The following FSTL5 variants were observed in gnomAD, a reference collection of about 807,000 sequenced individuals.
The protein encoded by FSTL5 is follistatin like 5.
A neutral mutation model predicts 89.1 loss-of-function variants in FSTL5; 62 were observed. The observed-to-expected ratio is 0.70, with a 90% CI of 0.57 to 0.86. The LOEUF is 0.86. FSTL5 is among the 40% of genes least tolerant of loss of function. The probability of loss-of-function intolerance (pLI) is 0.00; values close to 1 mark genes in which losing one functional copy is unlikely to be tolerated. For missense variants in FSTL5, 1,057 were observed against 1,001.6 expected (o/e 1.06, Z -0.75); for synonymous variants, 383 against 346.2 (o/e 1.11, Z -1.18).
At chr4:161,900,638 C>CAAAA (rs58702301) in intron 4 of FSTL5, among the ~76,000 whole-genome samples, 34 of 65,072 alleles carry the variant, frequency 5.2e-4, no homozygotes, top group African/African-American at 9.0e-4. Context: ...GACTCCATCT[C>CAAAA]AAAAAAAAAA....
rs1051765795 is a variant in FSTL5, at chr4:161,834,218, T to C, written c.410-58144A>G. The stretch of plus-strand genomic sequence containing the variant: ...GACAAAAACCACATGATTATCTCAA[T>C]AGATGCAGAAAAGGCCTTTGACAAA... On this transcript the variant is annotated intron_variant, in intron 4 of 15. Transcript: ENST00000306100. Among the ~76,000 whole-genome samples the C allele has an allele frequency of 7.7e-3, 1,169 of 152,224 alleles. 20 individuals are homozygous for C. The highest frequency in any genetic ancestry group is 0.025 in the African/African-American group (1,052 of 41,536).
chr4:161,954,895 G>A (rs1433823485), intron 3 of FSTL5, among the ~76,000 whole-genome samples: 1 of 151,504 alleles, frequency 6.6e-6, no homozygotes, highest in Non-Finnish European at 1.5e-5. Context: ...TTTAAGACCA[G>A]ATACTAAATG....
chr4:161,837,028 C>T (rs1367534799), intron 4 of FSTL5, among the ~76,000 whole-genome samples: 2 of 151,932 alleles, frequency 1.3e-5, no homozygotes, highest in African/African-American at 4.8e-5. Context: ...TGTAGTTGGA[C>T]CTATGAGTCT....
intron 3 of FSTL5, among the ~76,000 whole-genome samples, chr4:161,933,319 C>G (rs1007006040): frequency 2.6e-5 from 4 of 152,140 alleles, no homozygotes; most frequent in Non-Finnish European, 4.4e-5. Flanking sequence ...TGTTTCTTTC[C>G]TCTGCCCACC....
At chr4:161,846,914 C>T (rs1731386648) in intron 4 of FSTL5, among the ~76,000 whole-genome samples, 1 of 152,120 alleles carries the variant, frequency 6.6e-6, no homozygotes, top group Non-Finnish European at 1.5e-5. Flanking sequence ...ATGTATGCAA[C>T]TATGTAATTT....
intron 4 of FSTL5, among the ~76,000 whole-genome samples, chr4:161,805,461 A>G (rs898206727): frequency 6.6e-6 from 1 of 152,086 alleles, no homozygotes; most frequent in African/African-American, 2.4e-5. Context: ...AAAGAGACGC[A>G]TCTTAGAGAT....
intron 3 of FSTL5, among the ~76,000 whole-genome samples, chr4:161,981,364 T>G (rs568270678): frequency 8.5e-5 from 13 of 152,164 alleles, no homozygotes; most frequent in Non-Finnish European, 1.6e-4. Flanking sequence ...TTATACTAAC[T>G]TTCCAATAAG....
intron 4 of FSTL5, among the ~76,000 whole-genome samples, chr4:161,881,023 G>A (rs1373056393): frequency 1.3e-5 from 2 of 151,576 alleles, no homozygotes; most frequent in Non-Finnish European, 1.5e-5. Context: ...GTGCGATAAA[G>A]GTAAATTTTA....
intron 1 of FSTL5, among the ~76,000 whole-genome samples, chr4:162,143,197 T>G (rs1245283677): frequency 6.6e-6 from 1 of 152,090 alleles, no homozygotes; most frequent in Non-Finnish European, 1.5e-5. Context: ...ATCTGTAATT[T>G]TTATTTACTT....
At chr4:161,508,356 T>A (rs1301651442) in intron 11 of FSTL5, among the ~76,000 whole-genome samples, 4 of 152,152 alleles carry the variant, frequency 2.6e-5, no homozygotes, top group Non-Finnish European at 5.9e-5. Flanking sequence ...AGTACTGTTA[T>A]GATAACTGTA....
At chr4:161,722,947 A>C (rs2126753424) in intron 6 of FSTL5, among the ~76,000 whole-genome samples, 1 of 152,276 alleles carries the variant, frequency 6.6e-6, no homozygotes, top group East Asian at 1.9e-4. Context: ...GCTTTTTATA[A>C]TGTCACCCTT....
chr4:161,870,597 C>T (rs1732234745), intron 4 of FSTL5, among the ~76,000 whole-genome samples: 1 of 152,160 alleles, frequency 6.6e-6, no homozygotes, highest in African/African-American at 2.4e-5. Context: ...ATACTTAGCA[C>T]TCAATAAATT....
intron 7 of FSTL5, among the ~76,000 whole-genome samples, chr4:161,598,220 C>T (rs1734099113): frequency 4.0e-5 from 6 of 151,804 alleles, no homozygotes; most frequent in Admixed American, 3.9e-4. Flanking sequence ...ACTAAAAATA[C>T]AAAAATTAGC....
chr4:161,590,436 G>A lies in FSTL5; in HGVS notation c.895-2861C>T, dbSNP rs540724428. Among the ~76,000 whole-genome samples the A allele has an allele frequency of 1.6e-4, 24 of 152,276 alleles. No homozygotes were observed. In the South Asian group the frequency reaches 4.6e-3, roughly 29 times the overall value. On this transcript the variant is annotated intron_variant, in intron 7 of 15. Coordinates refer to ENST00000306100, the MANE Select transcript of FSTL5 (RefSeq NM_020116.5). ...TGCCTGTAATCCCAGCTACTCAGCA[G>A]GCTGAGGCACGAGAATTGCTTGAAC...
intron 1 of FSTL5, among the ~76,000 whole-genome samples, chr4:162,130,859 T>A (rs1464605005): frequency 6.6e-6 from 1 of 152,130 alleles, no homozygotes; most frequent in Non-Finnish European, 1.5e-5. Context: ...TTCACATGGC[T>A]ATATAGTTTT....
At chr4:161,991,727 G>A (rs1736117000) in intron 3 of FSTL5, among the ~76,000 whole-genome samples, 4 of 152,128 alleles carry the variant, frequency 2.6e-5, no homozygotes, top group Admixed American at 2.0e-4. Flanking sequence ...GTACATGCAG[G>A]TGTCCCGGAG....
At chr4:162,129,716 C>T (rs1028894088) in intron 1 of FSTL5, among the ~76,000 whole-genome samples, 1 of 152,154 alleles carries the variant, frequency 6.6e-6, no homozygotes, top group African/African-American at 2.4e-5. Context: ...TTGTCTTACA[C>T]AATAATTCAA....
At chr4:161,663,262 T>C (rs551775526) in intron 6 of FSTL5, among the ~76,000 whole-genome samples, 37 of 152,244 alleles carry the variant, frequency 2.4e-4, no homozygotes, top group African/African-American at 8.9e-4. Flanking sequence ...ATTTCAGTAT[T>C]AACCCAAAAG....
intron 6 of FSTL5, among the ~76,000 whole-genome samples, chr4:161,691,985 A>G (rs1426019752): frequency 6.6e-6 from 1 of 152,062 alleles, no homozygotes; most frequent in East Asian, 1.9e-4. Flanking sequence ...TATTCAAAAT[A>G]AATATATACA....
Sources: allele counts gnomAD v4.1 joint callset (sites outside exome capture counted in the v4.1 genomes callset), GRCh38; gene constraint gnomAD v4.1.1; transcripts MANE v1.5; gene names NCBI Gene and HGNC (gene_info 2026-07-23, HGNC 2026-07-21).